CCDC152: variants seen among roughly 807,000 people sequenced by gnomAD.
The protein encoded by CCDC152 is coiled-coil domain-containing protein 152.
In CCDC152, 37 loss-of-function variants were observed where a neutral mutation model predicts 38.1. The ratio of observed to expected loss-of-function variants is 0.97; its 90% CI spans 0.75 to 1.28. The LOEUF is 1.28. Among genes scored for constraint, CCDC152 ranks in the 50% most tolerant of loss-of-function variants. CCDC152 has a pLI of 0.00. For missense variants in CCDC152, 259 were observed against 292.1 expected (o/e 0.89, Z 0.83); for synonymous variants, 83 against 87.1 (o/e 0.95, Z 0.26).
In CCDC152 at chr5:42,783,011, A is replaced by T. The variant is rs1367999427; in HGVS notation, c.328-463A>T. Among the ~76,000 whole-genome samples the T allele has an allele frequency of 2.0e-5, 3 of 151,864 alleles. No individual in the cohort carries two copies. In the East Asian group the frequency reaches 5.8e-4, roughly 29 times the overall value. On this transcript the variant is annotated intron_variant, in intron 5 of 8. Transcript: ENST00000361970. Reference sequence around the variant, plus strand: ...CAGCCTCCCGAGTAGCTGGGACTACAGGTGCCCACCACCACGCCCAGCTAA... The same window carrying T: ...CAGCCTCCCGAGTAGCTGGGACTACTGGTGCCCACCACCACGCCCAGCTAA...
chr5:42,769,247 CAA>C (rs1183458625), intron 3 of CCDC152, among the ~76,000 whole-genome samples: 4 of 131,336 alleles, frequency 3.0e-5, no homozygotes, highest in Non-Finnish European at 6.6e-5. Flanking sequence ...GACTCTGTCT[CAA>C]AAAAAAAAAA....
chr5:42,776,108 A>G (rs1365679110), intron 4 of CCDC152, among the ~76,000 whole-genome samples: 5 of 152,130 alleles, frequency 3.3e-5, no homozygotes, highest in African/African-American at 1.2e-4. Flanking sequence ...ATCAAAAATC[A>G]CTTTGAAAAT....
intron 7 of CCDC152, among the ~76,000 whole-genome samples, chr5:42,797,577 A>G (rs1403801441): frequency 1.3e-5 from 2 of 152,220 alleles, no homozygotes; most frequent in African/African-American, 4.8e-5. Context: ...TTTTATGGTA[A>G]ATTCTATGTA....
rs920626028 is a variant in CCDC152, at chr5:42,799,680, GA to G, written c.671del (p.Asn224ThrfsTer14). Reference protein sequence around the residue: ...YRRKLQHFQEEKNKEIAILRN... With the variant: ...YRRKLQHFQEXKNKEIAILRN... ...TTAGAAACTTCAGCATTTTCAAGAA[GA>G]AAAAAACAAGGAGATTGCAATTCTT... On this transcript the variant is annotated frameshift_variant, in exon 9 of 9. Coordinates refer to ENST00000361970, the MANE Select transcript of CCDC152 (RefSeq NM_001134848.2). LOFTEE classifies it high-confidence loss of function. The G allele has an allele frequency of 7.8e-6, 12 of 1,545,796 alleles. No homozygotes were observed. The highest frequency in any genetic ancestry group is 9.6e-6 in the Non-Finnish European group (11 of 1,144,774).
Position 42,799,727 on chromosome 5 carries a change from A to G in CCDC152, c.711A>G (p.Leu237=). The G allele has an allele frequency of 6.4e-7, 1 of 1,551,330 alleles. No individual in the cohort carries two copies. Among genetic ancestry groups the G allele is most frequent in the Non-Finnish European group, 8.7e-7 (1 of 1,146,794 alleles). ...TTCTTCGTAATACCATTCGCGATTT[A>G]GAGCAACGCCTTTCTGTTGGCAAAG... ...IAILRNTIRD[L]EQRLSVGKDS... is the part of the protein sequence containing the mutation. Residue 237 remains leucine, a synonymous_variant, in exon 9 of 9, where the codon TTA becomes TTG. Coordinates refer to ENST00000361970, the MANE Select transcript of CCDC152 (RefSeq NM_001134848.2).
At position 42,799,462 on chromosome 5, in the gene CCDC152, T is replaced by C; in HGVS notation, c.642+4T>C. The C allele has an allele frequency of 6.6e-7, 1 of 1,506,974 alleles. No homozygotes were observed. The highest frequency in any genetic ancestry group is 9.0e-7 in the Non-Finnish European group (1 of 1,116,386). 93.4% of individuals were successfully genotyped at this position (1,506,974 alleles called of 1,614,324 possible). On this transcript the variant is annotated splice_donor_region_variant and intron_variant, in intron 8 of 8. Coordinates refer to ENST00000361970, the MANE Select transcript of CCDC152 (RefSeq NM_001134848.2). ...GCCACAAAGTATCTACAGAAGGGTATGTGAGTTTTCCTCTCAGTATTTGTT... is the reference window on the plus strand; with the variant it reads ...GCCACAAAGTATCTACAGAAGGGTACGTGAGTTTTCCTCTCAGTATTTGTT...
chr5:42,774,743 C>G (rs1228799510), intron 4 of CCDC152, among the ~76,000 whole-genome samples: 6 of 151,952 alleles, frequency 3.9e-5, no homozygotes, highest in Non-Finnish European at 7.4e-5. Flanking sequence ...CAAAAAATTA[C>G]AAGGCACACT....
At chr5:42,760,852 T>G (rs1166058204) in intron 2 of CCDC152, among the ~76,000 whole-genome samples, 3 of 152,174 alleles carry the variant, frequency 2.0e-5, no homozygotes, top group Non-Finnish European at 4.4e-5. Context: ...AAGAAGCATT[T>G]TTGGTGGGAA....
At chr5:42,761,192 G>A (rs1186844995) in intron 2 of CCDC152, among the ~76,000 whole-genome samples, 1 of 152,200 alleles carries the variant, frequency 6.6e-6, no homozygotes, top group Admixed American at 6.5e-5. Context: ...AAATACCCAA[G>A]AGATATGGTC....
chr5:42,757,339 C>T (rs1759494167), intron 1 of CCDC152, among the ~76,000 whole-genome samples: 1 of 152,042 alleles, frequency 6.6e-6, no homozygotes, highest in African/African-American at 2.4e-5. Flanking sequence ...CGGCGAAGGA[C>T]CAACTGTGTG....
intron 4 of CCDC152, among the ~76,000 whole-genome samples, chr5:42,771,318 A>AAT (rs771654413): frequency 2.6e-4 from 39 of 152,106 alleles, no homozygotes; most frequent in African/African-American, 5.8e-4. Flanking sequence ...AAAAGGAAAA[A>AAT]ATATATATAT....
rs1303302217 is a variant in CCDC152, at chr5:42,802,396, G to T, written c.*2615G>T. On this transcript the variant is annotated 3_prime_UTR_variant, in exon 9 of 9. Transcript: ENST00000361970. Reference sequence around the variant, plus strand: ...GTGATATGCTTTTGATGTTTTGAAGGTTTTAAAAGGTTATAAATTCCATTA... The same window carrying T: ...GTGATATGCTTTTGATGTTTTGAAGTTTTTAAAAGGTTATAAATTCCATTA... The T allele has an allele frequency of 6.6e-6, 1 of 152,114 alleles. No homozygotes were observed. The highest frequency in any genetic ancestry group is 6.5e-5 in the Admixed American group (1 of 15,280). 9.4% of individuals were successfully genotyped at this position (152,114 alleles called of 1,614,324 possible).
At chr5:42,794,452 G>C (rs1760047391) in intron 6 of CCDC152, among the ~76,000 whole-genome samples, 1 of 152,176 alleles carries the variant, frequency 6.6e-6, no homozygotes, top group African/African-American at 2.4e-5. Context: ...TTATTACTGA[G>C]ATGATCCTTT....
chr5:42,759,260 T>A lies in CCDC152; in HGVS notation c.87+52T>A, dbSNP rs1036643020. On this transcript the variant is annotated intron_variant, in intron 2 of 8. Coordinates refer to ENST00000361970, the MANE Select transcript of CCDC152 (RefSeq NM_001134848.2). ...CTATATAGGGATACATGGAACAGAT[T>A]TTGCCAAGGGAAGAAGTTGGGAAGA... 3.5e-6 allele frequency: 4 copies of A among 1,158,022 alleles called. No homozygotes were observed. In the African/African-American group the frequency reaches 6.3e-5, roughly 18 times the overall value. 71.7% of individuals were successfully genotyped at this position (1,158,022 alleles called of 1,614,324 possible).
intron 3 of CCDC152, among the ~76,000 whole-genome samples, chr5:42,765,508 A>G (rs1334475392): frequency 6.6e-6 from 1 of 152,214 alleles, no homozygotes; most frequent in Non-Finnish European, 1.5e-5. Context: ...ACCTGACTTC[A>G]AATTATACTA....
intron 4 of CCDC152, among the ~76,000 whole-genome samples, chr5:42,777,756 T>G (rs1323025215): frequency 6.6e-6 from 1 of 152,252 alleles, no homozygotes; most frequent in Non-Finnish European, 1.5e-5. Flanking sequence ...ATGTGGACCC[T>G]ATTTCCAAGG....
intron 4 of CCDC152, among the ~76,000 whole-genome samples, chr5:42,771,455 A>C (rs140375768): frequency 1.3e-5 from 2 of 152,072 alleles, no homozygotes; most frequent in East Asian, 3.8e-4. Flanking sequence ...GAAAATAAAA[A>C]ACAACAGAAA....
chr5:42,779,372 A>G (rs1038513165), intron 4 of CCDC152, 86 bp from the exon 5 acceptor site: 7 of 804,528 alleles, frequency 8.7e-6, no homozygotes, highest in African/African-American at 3.5e-5. Flanking sequence ...GAATGCATAC[A>G]TAATGGAAGC....
Position 42,783,523 on chromosome 5 carries a change from A to G in CCDC152, c.377A>G (p.Glu126Gly). 7.2e-7 allele frequency: 1 copy of G among 1,392,186 alleles called. No homozygotes were observed. The highest frequency in any genetic ancestry group is 9.4e-7 in the Non-Finnish European group (1 of 1,060,928). The allele number at this position is 1,392,186 out of a possible 1,614,324, so 86.2% of individuals were successfully genotyped here. A position where few individuals can be genotyped will look rare whatever the true frequency, so the allele number is the denominator to read the frequency against. Residue 126 changes from glutamate (E) to glycine (G), a missense_variant, in exon 6 of 9, where the codon GAG becomes GGG. Glu to Gly is a moderately conservative substitution (Grantham distance 98, BLOSUM62 -2). Coordinates refer to ENST00000361970, the MANE Select transcript of CCDC152 (RefSeq NM_001134848.2). ...CTTGTAAGTGAAATGAAAATCAAAG[A>G]GGAGGGATATAAGAAAGAAATAAGC... ...AKLVSEMKIK[E>G]EGYKKEISKL...
Sources: allele counts gnomAD v4.1 joint callset (sites outside exome capture counted in the v4.1 genomes callset), GRCh38; gene constraint gnomAD v4.1.1; transcripts MANE v1.5; gene names NCBI Gene and HGNC (gene_info 2026-07-23, HGNC 2026-07-21).